NOS1AP: variants seen among roughly 807,000 people sequenced by gnomAD.
The protein encoded by NOS1AP is nitric oxide synthase 1 adaptor protein, also known as carboxyl-terminal PDZ ligand of neuronal nitric oxide synthase protein.
Under a neutral mutation model 56.2 loss-of-function variants are expected in NOS1AP, and 21 were observed. The observed-to-expected ratio is 0.37, with a 90% CI of 0.26 to 0.54. NOS1AP has a LOEUF of 0.54. Among genes scored for constraint, NOS1AP ranks in the 20% least tolerant of loss-of-function variants. The pLI, the probability that NOS1AP is intolerant of heterozygous loss-of-function variation, is 0.84. For synonymous variants in NOS1AP, 270 were observed against 274.6 expected (o/e 0.98, Z 0.17); for missense variants, 522 against 657.8 (o/e 0.79, Z 2.26).
intron 8 of NOS1AP, chr1:162,364,460 G>T (rs1304874921): frequency 1.0e-6 from 1 of 985,280 alleles, no homozygotes; most frequent in African/African-American, 1.7e-5. Context: ...TCAAACCAGG[G>T]TCCTGGTCTG....
chr1:162,138,383 G>T (rs1649093079), intron 1 of NOS1AP, among the ~76,000 whole-genome samples: 1 of 152,168 alleles, frequency 6.6e-6, no homozygotes, highest in Non-Finnish European at 1.5e-5. Flanking sequence ...GTGGAGATGG[G>T]TGGGAGGAGT....
chr1:162,121,194 A>G (rs1318956570), intron 1 of NOS1AP, among the ~76,000 whole-genome samples: 2 of 149,646 alleles, frequency 1.3e-5, no homozygotes, highest in Non-Finnish European at 3.0e-5. Context: ...TTTTGGAGAC[A>G]AAATCTCGCT....
chr1:162,266,536 G>A (rs1369162713), intron 2 of NOS1AP, among the ~76,000 whole-genome samples: 1 of 152,140 alleles, frequency 6.6e-6, no homozygotes, highest in African/African-American at 2.4e-5. Flanking sequence ...CATGATATTA[G>A]CTGGTCTCTA....
chr1:162,124,145 A>C (rs1203768254), intron 1 of NOS1AP, among the ~76,000 whole-genome samples: 1 of 152,068 alleles, frequency 6.6e-6, no homozygotes, highest in Non-Finnish European at 1.5e-5. Flanking sequence ...AAATTTCAGT[A>C]GCTTTAGGGG....
In NOS1AP at chr1:162,220,872, A is replaced by G. The variant is rs570572955; in HGVS notation, c.177+66396A>G. Among the ~76,000 whole-genome samples, 7 of 152,306 alleles carry G rather than the reference A, an allele frequency of 4.6e-5. No homozygotes were observed. The South Asian group carries it at 1.5e-3, about 32-fold the overall frequency. The stretch of plus-strand genomic sequence containing the variant: ...ATATAAATATGTTCATTAGATGATG[A>G]GTCTTACTATCCAGAATTTGTTGAC... On this transcript the variant is annotated intron_variant, in intron 2 of 9. Transcript: ENST00000361897.
chr1:162,081,774 A>ATATATATTTTT, intron 1 of NOS1AP, among the ~76,000 whole-genome samples: 3 of 44,060 alleles, frequency 6.8e-5, no homozygotes, highest in Non-Finnish European at 9.3e-5. Context: ...ATATATATAT[A>ATATATATTTTT]TTTTTTTTTT....
At chr1:162,183,333 G>A (rs1591617) in intron 2 of NOS1AP, among the ~76,000 whole-genome samples, 151,700 of 152,370 alleles carry the variant, frequency 1, 75,520 homozygotes, top group Middle Eastern at 1. Flanking sequence ...TTGTTGTTCC[G>A]TTTATAGAGA....
chr1:162,080,452 G>A (rs900810575), intron 1 of NOS1AP, among the ~76,000 whole-genome samples: 2 of 152,150 alleles, frequency 1.3e-5, no homozygotes, highest in Admixed American at 6.5e-5. Flanking sequence ...GAGCAGCGTT[G>A]AGTATTGAAT....
chr1:162,208,804 G>A (rs1652249471), intron 2 of NOS1AP, among the ~76,000 whole-genome samples: 2 of 152,110 alleles, frequency 1.3e-5, no homozygotes. Flanking sequence ...CCTTTATACC[G>A]ACCGTAAAGT....
At chr1:162,143,806 C>T (rs990389751) in intron 1 of NOS1AP, among the ~76,000 whole-genome samples, 7 of 152,114 alleles carry the variant, frequency 4.6e-5, no homozygotes, top group Non-Finnish European at 1.0e-4. Flanking sequence ...GTAGGTAGTA[C>T]AGATACTAGG....
intron 2 of NOS1AP, among the ~76,000 whole-genome samples, chr1:162,233,585 T>C (rs767711859): frequency 1.2e-4 from 19 of 152,344 alleles, no homozygotes; most frequent in African/African-American, 4.3e-4. Context: ...GAAGAAACCC[T>C]ATACCCAATA....
At chr1:162,237,083 C>A (rs1227498459) in intron 2 of NOS1AP, among the ~76,000 whole-genome samples, 1 of 152,232 alleles carries the variant, frequency 6.6e-6, no homozygotes, top group Admixed American at 6.5e-5. Flanking sequence ...CTGAGGCCAG[C>A]TCACCTTTGC....
chr1:162,294,352 C>T (rs1655382263), intron 3 of NOS1AP, among the ~76,000 whole-genome samples: 2 of 152,080 alleles, frequency 1.3e-5, no homozygotes, highest in African/African-American at 2.4e-5. Context: ...CTCCCAGGGA[C>T]GGGCCTGCCT....
chr1:162,221,530 GCGCGCA>G lies in NOS1AP; in HGVS notation c.178-65812_178-65807del, dbSNP rs1353102406. Among the ~76,000 whole-genome samples the G allele has an allele frequency of 1.7e-3, 104 of 62,548 alleles. 1 individual carries two copies. Among genetic ancestry groups the G allele is most frequent in the African/African-American group, 3.1e-3 (81 of 26,482 alleles). The allele number at this position is 62,548 out of a possible 152,430, so 41.0% of individuals were successfully genotyped here. A position where few individuals can be genotyped will look rare whatever the true frequency, so the allele number is the denominator to read the frequency against. The stretch of plus-strand genomic sequence containing the variant: ...ATGCAACACACACACGCACACACAC[GCGCGCA>G]CACACACACACACACACACACACAC... On this transcript the variant is annotated intron_variant, in intron 2 of 9. Transcript: ENST00000361897.
intron 3 of NOS1AP, 96 bp from the exon 4 acceptor site, chr1:162,300,537 G>A (rs1259242761): frequency 9.0e-7 from 1 of 1,112,926 alleles, no homozygotes; most frequent in Admixed American, 1.7e-5. Context: ...AAAAAGTCAG[G>A]TCAGGAGCAA....
intron 2 of NOS1AP, among the ~76,000 whole-genome samples, chr1:162,202,076 A>G (rs1652011221): frequency 6.6e-6 from 1 of 152,220 alleles, no homozygotes; most frequent in Admixed American, 6.5e-5. Flanking sequence ...TAAATATCTG[A>G]AAGGTTGTCC....
intron 1 of NOS1AP, among the ~76,000 whole-genome samples, chr1:162,095,901 CAT>C (rs2102026772): frequency 6.6e-6 from 1 of 152,288 alleles, no homozygotes; most frequent in South Asian, 2.1e-4. Flanking sequence ...GACTACTTAT[CAT>C]GTGGAATTTA....
intron 4 of NOS1AP, among the ~76,000 whole-genome samples, chr1:162,306,699 A>G (rs1027927370): frequency 3.9e-5 from 6 of 152,186 alleles, no homozygotes; most frequent in African/African-American, 1.4e-4. Flanking sequence ...CACTTTGGGC[A>G]GCTAAGTTGG....
chr1:162,364,522 C>T (rs1002596199), intron 8 of NOS1AP: 4 of 985,364 alleles, frequency 4.1e-6, no homozygotes, highest in Non-Finnish European at 4.8e-6. Context: ...GTATTGCTCA[C>T]CAAGAACAGA....
Sources: allele counts gnomAD v4.1 joint callset (sites outside exome capture counted in the v4.1 genomes callset), GRCh38; gene constraint gnomAD v4.1.1; transcripts MANE v1.5; gene names NCBI Gene and HGNC (gene_info 2026-07-23, HGNC 2026-07-21).